The following ZFHX3 variants were observed in gnomAD, a reference collection of about 807,000 sequenced individuals.
ZFHX3 encodes the protein zinc finger homeobox 3.
A neutral mutation model predicts 279.1 loss-of-function variants in ZFHX3; 42 were observed. The ratio of observed to expected loss-of-function variants is 0.15; its 90% CI spans 0.12 to 0.19. The LOEUF (loss-of-function observed/expected upper bound fraction) is 0.19. ZFHX3 is among the 10% of genes least tolerant of loss of function. The probability of loss-of-function intolerance (pLI) is 1.00; values close to 1 mark genes in which losing one functional copy is unlikely to be tolerated. For missense variants in ZFHX3, 4,981 were observed against 4,754.0 expected (o/e 1.05, Z -1.40); for synonymous variants, 2,293 against 1,957.8 (o/e 1.17, Z -4.52).
At chr16:73,759,773 T>A (rs1208577893) in intron 1 of ZFHX3, among the ~76,000 whole-genome samples, 2 of 151,888 alleles carry the variant, frequency 1.3e-5, no homozygotes, top group Non-Finnish European at 2.9e-5. Flanking sequence ...GCCCTTTGAG[T>A]TTTGTGAATG....
intron 3 of ZFHX3, among the ~76,000 whole-genome samples, chr16:73,360,835 G>A (rs2016422280): frequency 6.6e-6 from 1 of 152,176 alleles, no homozygotes; most frequent in African/African-American, 2.4e-5. Context: ...GCAAGCTGCT[G>A]AAATCATAGT....
At chr16:72,808,574 G>C (rs2036341748) in intron 7 of ZFHX3, among the ~76,000 whole-genome samples, 1 of 152,126 alleles carries the variant, frequency 6.6e-6, no homozygotes, top group Admixed American at 6.5e-5. Flanking sequence ...TTCCCTTGTT[G>C]CTAACAAGTT....
rs764957994 is a variant in ZFHX3 at position 72,787,853 on chromosome 16, T to G, written c.10423A>C (p.Ser3475Arg). The G allele has an allele frequency of 6.2e-7, 1 of 1,613,926 alleles. No homozygotes were observed. Among genetic ancestry groups the G allele is most frequent in the East Asian group, 2.2e-5 (1 of 44,850 alleles). Residue 3475 changes from serine (S) to arginine (R), a missense_variant, in exon 10 of 10, where the codon AGC (serine) becomes CGC (arginine). Around this residue, in one of 7 missense-constraint regions of ZFHX3, gnomAD observed 1,034 missense variants for 786.0 expected, o/e 1.32. Transcript: ENST00000268489. ...TGGCTCCTCGCTGCCTCCTCGTCGC[T>G]GAAGCCCGCCTGGCACTTGCGGCAG... Reference protein sequence around the residue: ...LVCRKCQAGFSDEEAARSHLK... With the variant: ...LVCRKCQAGFRDEEAARSHLK...
At position 73,702,975 on chromosome 16, in the gene ZFHX3, T is replaced by C. The variant is rs545969896; in HGVS notation, c.-1607-22735A>G. Reference sequence around the variant, plus strand: ...TGGAAGGAACACTTCCATGGCTCAGTAGAGGCAGCGATGATAGCGATGGTG... The same window carrying C: ...TGGAAGGAACACTTCCATGGCTCAGCAGAGGCAGCGATGATAGCGATGGTG... On this transcript the variant is annotated intron_variant, in intron 1 of 17. Coordinates refer to the ZFHX3 transcript ENST00000641206. Among the ~76,000 whole-genome samples, 15 of 152,130 alleles carry C rather than the reference T, an allele frequency of 9.9e-5. No homozygotes were observed. In the East Asian group the frequency reaches 2.9e-3, roughly 29 times the overall value.
At chr16:73,883,953 G>A (rs923605786) in intron 1 of ZFHX3, among the ~76,000 whole-genome samples, 15 of 152,086 alleles carry the variant, frequency 9.9e-5, no homozygotes, top group Non-Finnish European at 1.9e-4. Context: ...GATTATTTGA[G>A]ATTCTTATCT....
chr16:73,687,474 C>A (rs2053101179), intron 1 of ZFHX3, among the ~76,000 whole-genome samples: 1 of 151,782 alleles, frequency 6.6e-6, no homozygotes, highest in Non-Finnish European at 1.5e-5. Context: ...AGCTAAGCTA[C>A]AAAGTGGCCC....
chr16:72,902,779 C>G (rs528636488), intron 3 of ZFHX3, among the ~76,000 whole-genome samples: 1 of 152,024 alleles, frequency 6.6e-6, no homozygotes, highest in Admixed American at 6.5e-5. Flanking sequence ...AAGGGGCTGA[C>G]GGGGGGCTGA....
In ZFHX3 at chr16:73,192,064, C is replaced by T. The variant is rs928747387; in HGVS notation, c.-1103-48233G>A. Among the ~76,000 whole-genome samples the T allele has an allele frequency of 2.6e-5, 4 of 152,282 alleles. 1 individual carries two copies. The highest frequency in any genetic ancestry group is 2.6e-4 in the Admixed American group (4 of 15,304). ...GGTTCACGCAAAACTATTCAGGTTG[C>T]TTTTCTTCTTATTCCGAGGGGATCT... is the stretch of plus-strand genomic sequence containing the variant. On this transcript the variant is annotated intron_variant, in intron 5 of 17. Coordinates refer to the ZFHX3 transcript ENST00000641206.
chr16:73,492,126 T>G (rs922809038), intron 2 of ZFHX3, among the ~76,000 whole-genome samples: 1 of 152,208 alleles, frequency 6.6e-6, no homozygotes, highest in Admixed American at 6.5e-5. Context: ...ACCATCTCCT[T>G]ACATGAAATC....
chr16:73,470,176 T>A (rs1197382878), intron 2 of ZFHX3, among the ~76,000 whole-genome samples: 2 of 152,190 alleles, frequency 1.3e-5, no homozygotes, highest in East Asian at 3.9e-4. Context: ...GGGAACACAC[T>A]CTGAGTAGCG....
At chr16:73,296,310 C>A (rs924436815) in intron 4 of ZFHX3, among the ~76,000 whole-genome samples, 3 of 152,030 alleles carry the variant, frequency 2.0e-5, no homozygotes, top group Admixed American at 6.5e-5. Flanking sequence ...AATGTTACAA[C>A]TGAATTAAGA....
intron 3 of ZFHX3, among the ~76,000 whole-genome samples, chr16:72,936,583 G>A (rs1960137754): frequency 6.6e-6 from 1 of 152,204 alleles, no homozygotes; most frequent in African/African-American, 2.4e-5. Flanking sequence ...AGAACAGCAA[G>A]TGCAAAGGCC....
chr16:72,887,135 G>A (rs2038646598), intron 4 of ZFHX3, among the ~76,000 whole-genome samples: 2 of 152,180 alleles, frequency 1.3e-5, no homozygotes, highest in African/African-American at 4.8e-5. Flanking sequence ...GGGAATTGCT[G>A]TTTCATTTAT....
chr16:73,096,772 G>C (rs548969681), intron 7 of ZFHX3, among the ~76,000 whole-genome samples: 1 of 152,110 alleles, frequency 6.6e-6, no homozygotes, highest in African/African-American at 2.4e-5. Flanking sequence ...GCAGAGAATG[G>C]GGCATCATGT....
chr16:73,479,998 C>T (rs193186638), intron 2 of ZFHX3, among the ~76,000 whole-genome samples: 34 of 152,286 alleles, frequency 2.2e-4, no homozygotes, highest in Admixed American at 1.3e-3. Context: ...GATTGGCAGT[C>T]GTGGGGACCT....
chr16:73,756,615 A>G (rs1157896545), intron 1 of ZFHX3, among the ~76,000 whole-genome samples: 2 of 152,104 alleles, frequency 1.3e-5, no homozygotes, highest in Admixed American at 1.3e-4. Context: ...CGGCTGCACA[A>G]TTAGGTTAGC....
rs564253938 is a variant in ZFHX3, at chr16:73,735,676, G to A, written c.-1607-55436C>T. On this transcript the variant is annotated intron_variant, in intron 1 of 17. Transcript: ENST00000641206. ...CAAAAAGTAAGGTTCCTGAAAAGGC[G>A]CCTTTCTCCCAAGTGTGATGTTTCT... Among the ~76,000 whole-genome samples the A allele has an allele frequency of 1.5e-3, 234 of 152,204 alleles. 1 individual carries two copies. Among genetic ancestry groups the A allele is most frequent in the Non-Finnish European group, 2.5e-3 (167 of 68,016 alleles).
chr16:73,143,980 C>A, intron 5 of ZFHX3: 1 of 364,612 alleles, frequency 2.7e-6, no homozygotes, highest in Non-Finnish European at 5.3e-6. Flanking sequence ...TTATTCAAGT[C>A]ACCCCCTTGT....
rs145324085 is a variant in ZFHX3 at position 73,803,691 on chromosome 16, C to T, written c.-1608+87960G>A. ...TTTTGTTAGACTTATTCTGCAATTACAATTACTAAAAAGAACAAGACTTGA... is the reference window on the plus strand; with the variant it reads ...TTTTGTTAGACTTATTCTGCAATTATAATTACTAAAAAGAACAAGACTTGA... On this transcript the variant is annotated intron_variant, in intron 1 of 17. Coordinates refer to the ZFHX3 transcript ENST00000641206. Among the ~76,000 whole-genome samples the T allele has an allele frequency of 2.1e-3, 325 of 152,286 alleles. 3 individuals are homozygous for T. Among genetic ancestry groups the T allele is most frequent in the African/African-American group, 7.2e-3 (299 of 41,564 alleles).
Sources: allele counts gnomAD v4.1 joint callset (sites outside exome capture counted in the v4.1 genomes callset), GRCh38; gene constraint gnomAD v4.1.1; regional missense constraint gnomAD v4.1.1; transcripts MANE v1.5; gene names NCBI Gene and HGNC (gene_info 2026-07-23, HGNC 2026-07-21).